EGFR: variants seen among roughly 807,000 people sequenced by gnomAD.
The protein encoded by EGFR is epidermal growth factor receptor.
Under a neutral mutation model 143.0 loss-of-function variants are expected in EGFR, and 58 were observed. That is an observed-to-expected ratio of 0.41 (90% CI 0.33 to 0.50). EGFR has a LOEUF of 0.50. Among genes scored for constraint, EGFR ranks in the 20% least tolerant of loss-of-function variants. EGFR has a pLI of 0.39. For synonymous variants in EGFR, 613 were observed against 594.4 expected, an observed-to-expected ratio of 1.03 and a Z score of -0.45; for missense variants, 1,307 against 1,579.0, an observed-to-expected ratio of 0.83 and a Z score of 2.92.
intron 1 of EGFR, among the ~76,000 whole-genome samples, chr7:55,088,877 T>A (rs1232581882): frequency 6.6e-6 from 1 of 152,220 alleles, no homozygotes; most frequent in Non-Finnish European, 1.5e-5. Flanking sequence ...ATTTTTTGTC[T>A]CTACTTACTT....
At chr7:55,179,035 A>G (rs896081724) in intron 19 of EGFR, among the ~76,000 whole-genome samples, 4 of 152,244 alleles carry the variant, frequency 2.6e-5, no homozygotes, top group African/African-American at 7.2e-5. Context: ...CGTACTTGCC[A>G]ACAGATACGG....
rs753283441 is a variant in EGFR at position 55,202,488 on chromosome 7, G to A, written c.3163-29G>A. On this transcript the variant is annotated intron_variant, in intron 26 of 27. Coordinates refer to ENST00000275493, the MANE Select transcript of EGFR (RefSeq NM_005228.5). Reference sequence around the variant, plus strand: ...ACTGAAGTTGGGGCAGCCCTGACCGGAGTAACCTTCCCTCATTTCCTCCTG... The same window carrying A: ...ACTGAAGTTGGGGCAGCCCTGACCGAAGTAACCTTCCCTCATTTCCTCCTG... 13 of 1,573,666 alleles carry A rather than the reference G, an allele frequency of 8.3e-6. No individual in the cohort carries two copies. In the South Asian group the frequency reaches 1.4e-4, roughly 17 times the overall value.
At chr7:55,155,610 G>T (rs1785370491) in intron 7 of EGFR, among the ~76,000 whole-genome samples, 1 of 152,212 alleles carries the variant, frequency 6.6e-6, no homozygotes, top group Non-Finnish European at 1.5e-5. Flanking sequence ...CTGCCATGAT[G>T]AAACACCTGT....
At chr7:55,134,581 T>C (rs1289825432) in intron 1 of EGFR, among the ~76,000 whole-genome samples, 1 of 152,250 alleles carries the variant, frequency 6.6e-6, no homozygotes, top group Non-Finnish European at 1.5e-5. Flanking sequence ...ATTGAATACA[T>C]AACAGATCAA....
At chr7:55,202,733 G>C in intron 27 of EGFR, 108 bp downstream of exon 27, 1 of 1,017,564 alleles carries the variant, frequency 9.8e-7, no homozygotes, top group Non-Finnish European at 1.5e-6. Flanking sequence ...ATCTCCAGAG[G>C]GGGAAACAGT....
At chr7:55,109,981 A>G in intron 1 of EGFR, 1 of 982,342 alleles carries the variant, frequency 1.0e-6, no homozygotes, top group Non-Finnish European at 1.2e-6. Context: ...ATGAGGAGGC[A>G]CAGAAAGAAA....
intron 1 of EGFR, among the ~76,000 whole-genome samples, chr7:55,111,292 T>C (rs1280077327): frequency 1.3e-5 from 2 of 152,220 alleles, no homozygotes; most frequent in East Asian, 3.8e-4. Context: ...AGCCAGGGTA[T>C]GATTTGCAAT....
chr7:55,101,594 C>T (rs150165751), intron 1 of EGFR, among the ~76,000 whole-genome samples: 1 of 152,192 alleles, frequency 6.6e-6, no homozygotes, highest in African/African-American at 2.4e-5. Flanking sequence ...CGTCCGGGCA[C>T]AGCATTGGCT....
At chr7:55,155,204 G>GGCTA (rs1785351271) in intron 7 of EGFR, among the ~76,000 whole-genome samples, 1 of 152,244 alleles carries the variant, frequency 6.6e-6, no homozygotes, top group African/African-American at 2.4e-5. Context: ...CACTTTGGGA[G>GGCTA]ACTGAAGGGG....
Position 55,170,295 on chromosome 7 carries a change from A to G in EGFR, c.1881-880A>G, listed in dbSNP as rs759600468. On this transcript the variant is annotated intron_variant, in intron 15 of 27. Transcript: ENST00000275493. ...CTCACATATTGAAATGTACTTGTCC[A>G]TCTTTCTCCAGGCCAGGAAATGAGA... 6 of 1,614,038 alleles carry G rather than the reference A, an allele frequency of 3.7e-6. No homozygotes were observed. In the South Asian group the frequency reaches 4.4e-5, roughly 12 times the overall value.
intron 3 of EGFR, among the ~76,000 whole-genome samples, chr7:55,145,892 G>T (rs1008682530): frequency 6.6e-6 from 1 of 152,104 alleles, no homozygotes; most frequent in African/African-American, 2.4e-5. Flanking sequence ...TCCTCGCAGC[G>T]CCCACAGCAC....
chr7:55,211,568 T>C lies in EGFR; in HGVS notation c.*5951T>C, dbSNP rs1193980951. On this transcript the variant is annotated 3_prime_UTR_variant, in exon 28 of 28. Transcript: ENST00000275493. ...GAGTATTAAAAAATTAGATGTATAT[T>C]ATTCATTGTTCTTTACTCCTGAGTA... 5 of 151,842 alleles carry C rather than the reference T, an allele frequency of 3.3e-5. No individual in the cohort carries two copies. The highest frequency in any genetic ancestry group is 7.3e-5 in the Non-Finnish European group (5 of 68,036). 9.4% of individuals were successfully genotyped at this position (151,842 alleles called of 1,614,324 possible). A position where few individuals can be genotyped will look rare whatever the true frequency, so the allele number is the denominator to read the frequency against.
chr7:55,100,153 C>T (rs970224989), intron 1 of EGFR, among the ~76,000 whole-genome samples: 3 of 152,234 alleles, frequency 2.0e-5, no homozygotes, highest in African/African-American at 7.2e-5. Context: ...TTTCAGCACG[C>T]ATCCTTTCTA....
At chr7:55,095,071 A>G (rs760968089) in intron 1 of EGFR, among the ~76,000 whole-genome samples, 8 of 152,184 alleles carry the variant, frequency 5.3e-5, no homozygotes, top group Non-Finnish European at 1.2e-4. Context: ...TAAAGAAAGC[A>G]AGGACACAGA....
chr7:55,055,436 G>A (rs546463703), intron 1 of EGFR, among the ~76,000 whole-genome samples: 1 of 152,112 alleles, frequency 6.6e-6, no homozygotes, highest in East Asian at 1.9e-4. Flanking sequence ...GTCTTCTTTG[G>A]CTTTCTCTAT....
chr7:55,026,878 A>G (rs943364594), intron 1 of EGFR, among the ~76,000 whole-genome samples: 18 of 152,092 alleles, frequency 1.2e-4, no homozygotes, highest in Admixed American at 3.3e-4. Context: ...CAAAAAAAAA[A>G]AGGGAAAAAA....
intron 4 of EGFR, among the ~76,000 whole-genome samples, chr7:55,150,179 T>C (rs913981419): frequency 6.6e-6 from 1 of 152,258 alleles, no homozygotes; most frequent in East Asian, 1.9e-4. Context: ...AAGCTTATAA[T>C]AGAAATTTGA....
intron 1 of EGFR, among the ~76,000 whole-genome samples, chr7:55,093,415 C>T (rs1257550918): frequency 6.6e-6 from 1 of 152,128 alleles, no homozygotes; most frequent in Non-Finnish European, 1.5e-5. Context: ...AATTTATAGC[C>T]AAAAATCAGT....
At chr7:55,140,022 A>T (rs1041974064) in intron 1 of EGFR, among the ~76,000 whole-genome samples, 1 of 151,924 alleles carries the variant, frequency 6.6e-6, no homozygotes, top group Non-Finnish European at 1.5e-5. Context: ...TTATTCAAAA[A>T]GTGCTAAATA....
Sources: gnomAD v4.1 joint callset for allele counts (sites outside exome capture counted in the v4.1 genomes callset) on GRCh38, gnomAD v4.1.1 for gene constraint, MANE v1.5 for transcripts, NCBI Gene and HGNC (gene_info 2026-07-23, HGNC 2026-07-21) for gene names.